The following LRRTM4 variants were observed in gnomAD, a reference collection of about 807,000 sequenced individuals.
LRRTM4 encodes leucine rich repeat transmembrane neuronal 4, also known as leucine-rich repeat transmembrane neuronal protein 4.
LRRTM4 carries 25 observed loss-of-function variants against 47.6 expected under a neutral mutation model. The ratio of observed to expected loss-of-function variants is 0.53; its 90% CI spans 0.38 to 0.73. The LOEUF (loss-of-function observed/expected upper bound fraction) is 0.73. Ranked by LOEUF, LRRTM4 falls within the 30% of genes least tolerant of loss-of-function variation. The probability of loss-of-function intolerance (pLI) is 0.00; values close to 1 mark genes in which losing one functional copy is unlikely to be tolerated. For missense variants in LRRTM4, 638 were observed against 713.4 expected (o/e 0.89, Z 1.20); for synonymous variants, 311 against 269.5 (o/e 1.15, Z -1.51).
At chr2:77,245,029 C>T (rs1675393086) in intron 3 of LRRTM4, among the ~76,000 whole-genome samples, 1 of 152,100 alleles carries the variant, frequency 6.6e-6, no homozygotes, top group South Asian at 2.1e-4. Context: ...TCCTGACCCA[C>T]CTAAAGTATA....
chr2:77,348,569 T>C (rs1290549414), intron 3 of LRRTM4, among the ~76,000 whole-genome samples: 1 of 150,260 alleles, frequency 6.7e-6, no homozygotes, highest in African/African-American at 2.4e-5. Context: ...CAAAGTTAAA[T>C]ATAATATTTT....
At chr2:77,271,421 T>C (rs1676187577) in intron 3 of LRRTM4, among the ~76,000 whole-genome samples, 2 of 152,188 alleles carry the variant, frequency 1.3e-5, no homozygotes, top group Non-Finnish European at 2.9e-5. Context: ...GGTCTGGCTG[T>C]GGGTCCTGCA....
chr2:77,251,681 C>A (rs1049221172), intron 3 of LRRTM4, among the ~76,000 whole-genome samples: 5 of 152,120 alleles, frequency 3.3e-5, no homozygotes, highest in African/African-American at 1.2e-4. Flanking sequence ...ATAGCCAAGG[C>A]CATGGAACTA....
At chr2:77,498,779 T>C (rs2104068899) in intron 3 of LRRTM4, among the ~76,000 whole-genome samples, 1 of 151,988 alleles carries the variant, frequency 6.6e-6, no homozygotes, top group South Asian at 2.1e-4. Context: ...AGGACTATTA[T>C]TGTTTTGTCT....
intron 3 of LRRTM4, among the ~76,000 whole-genome samples, chr2:77,375,102 T>C (rs1177508543): frequency 6.6e-6 from 1 of 151,758 alleles, no homozygotes; most frequent in African/African-American, 2.4e-5. Context: ...CTTTTTTTTC[T>C]CTCTGTATGC....
At chr2:76,960,650 GAAGATT>G (rs72253662) in intron 3 of LRRTM4, among the ~76,000 whole-genome samples, 35,601 of 151,098 alleles carry the variant, frequency 0.24, 5,139 homozygotes, top group African/African-American at 0.41. Flanking sequence ...ATAATTTCCT[GAAGATT>G]AAGATGGTAT....
At chr2:77,499,296 G>C (rs554385960) in intron 3 of LRRTM4, among the ~76,000 whole-genome samples, 1 of 151,972 alleles carries the variant, frequency 6.6e-6, no homozygotes, top group Admixed American at 6.6e-5. Context: ...TGCTTTCCTA[G>C]TTCAGGAGTT....
chr2:77,017,970 A>C (rs933243126), intron 3 of LRRTM4, among the ~76,000 whole-genome samples: 1 of 151,806 alleles, frequency 6.6e-6, no homozygotes, highest in Non-Finnish European at 1.5e-5. Flanking sequence ...TAATACTTAA[A>C]TATATTTTAT....
chr2:77,259,266 T>C (rs1478595388), intron 3 of LRRTM4, among the ~76,000 whole-genome samples: 2 of 152,058 alleles, frequency 1.3e-5, no homozygotes. Flanking sequence ...TTTTAATCTC[T>C]CAAAAACATC....
At chr2:77,427,793 A>T (rs901891032) in intron 3 of LRRTM4, among the ~76,000 whole-genome samples, 2 of 152,192 alleles carry the variant, frequency 1.3e-5, no homozygotes, top group Non-Finnish European at 1.5e-5. Context: ...TTGCTTATTG[A>T]TATATAAATC....
chr2:77,175,290 AAG>A (rs1673163557), intron 3 of LRRTM4, among the ~76,000 whole-genome samples: 1 of 151,882 alleles, frequency 6.6e-6, no homozygotes, highest in Non-Finnish European at 1.5e-5. Context: ...CATAATGTAA[AAG>A]AGTCTTGGAA....
At chr2:77,405,715 G>C (rs1674156463) in intron 3 of LRRTM4, among the ~76,000 whole-genome samples, 1 of 152,020 alleles carries the variant, frequency 6.6e-6, no homozygotes, top group South Asian at 2.1e-4. Flanking sequence ...GATCTTAAAG[G>C]GAAACTTGAG....
intron 3 of LRRTM4, among the ~76,000 whole-genome samples, chr2:76,861,418 A>G (rs548785062): frequency 6.6e-6 from 1 of 152,222 alleles, no homozygotes; most frequent in South Asian, 2.1e-4. Flanking sequence ...CTTACCTCCA[A>G]GACGAATGGA....
intron 3 of LRRTM4, among the ~76,000 whole-genome samples, chr2:76,983,065 C>A (rs185050471): frequency 3.9e-5 from 6 of 152,042 alleles, no homozygotes; most frequent in Admixed American, 3.3e-4. Flanking sequence ...ATATTGTGTC[C>A]TTTACATTCA....
chr2:76,920,753 T>C (rs1255470517), intron 3 of LRRTM4, among the ~76,000 whole-genome samples: 3 of 152,066 alleles, frequency 2.0e-5, no homozygotes, highest in Non-Finnish European at 4.4e-5. Context: ...GCATGGTAGA[T>C]TCTCAACAAA....
Position 77,008,791 on chromosome 2 carries a change from C to T in LRRTM4, c.1552-259875G>A, listed in dbSNP as rs536173863. Among the ~76,000 whole-genome samples the T allele has an allele frequency of 3.3e-5, 5 of 152,170 alleles. No individual in the cohort carries two copies. The South Asian group carries it at 8.3e-4, about 25-fold the overall frequency. ...TATAATTGTTTTCTAGGCCTGAAGGCATGACGAGGCGCCGGCAATGCCTTT... is the reference window on the plus strand; with the variant it reads ...TATAATTGTTTTCTAGGCCTGAAGGTATGACGAGGCGCCGGCAATGCCTTT... On this transcript the variant is annotated intron_variant, in intron 3 of 3. Coordinates refer to ENST00000409884, the MANE Select transcript of LRRTM4 (RefSeq NM_001134745.3).
intron 3 of LRRTM4, among the ~76,000 whole-genome samples, chr2:77,188,339 G>A (rs903627228): frequency 1.1e-4 from 16 of 152,106 alleles, no homozygotes; most frequent in African/African-American, 3.9e-4. Flanking sequence ...TCCAAAGGTT[G>A]CTCTGGCTAC....
chr2:77,267,128 T>C (rs1428569509), intron 3 of LRRTM4, among the ~76,000 whole-genome samples: 1 of 152,178 alleles, frequency 6.6e-6, no homozygotes, highest in Non-Finnish European at 1.5e-5. Context: ...ATTTATTATC[T>C]GCAGAAATCC....
intron 3 of LRRTM4, among the ~76,000 whole-genome samples, chr2:76,967,032 T>C (rs1201143450): frequency 2.3e-4 from 35 of 151,556 alleles, no homozygotes. Context: ...TAAATAAATT[T>C]GTACTTAATC....
Sources: allele counts gnomAD v4.1 joint callset (sites outside exome capture counted in the v4.1 genomes callset), GRCh38; gene constraint gnomAD v4.1.1; transcripts MANE v1.5; gene names NCBI Gene and HGNC (gene_info 2026-07-23, HGNC 2026-07-21).